The following NOL3 variants were observed in gnomAD, a reference collection of about 807,000 sequenced individuals.
The protein encoded by NOL3 is nucleolar protein 3.
Under a neutral mutation model 19.2 loss-of-function variants are expected in NOL3, and 18 were observed. That is an observed-to-expected ratio of 0.94 (90% CI 0.65 to 1.39). NOL3 has a LOEUF of 1.39. Ranked by LOEUF, NOL3 falls within the 40% of genes most tolerant of loss-of-function variation. NOL3 has a pLI of 0.00. For synonymous variants in NOL3, 127 were observed against 137.3 expected (o/e 0.93, Z 0.52); for missense variants, 290 against 289.5 (o/e 1.00, Z -0.01).
At chr16:67,172,273 G>C (rs1007916646) in intron 1 of NOL3, among the ~76,000 whole-genome samples, 6 of 152,114 alleles carry the variant, frequency 3.9e-5, no homozygotes, top group South Asian at 4.2e-4. Flanking sequence ...TTGCTGGCTG[G>C]GTCAGGCCAC....
intron 1 of NOL3, among the ~76,000 whole-genome samples, chr16:67,173,548 T>C (rs532049532): frequency 6.6e-6 from 1 of 152,060 alleles, no homozygotes; most frequent in South Asian, 2.1e-4. Context: ...GTGCTCTGGG[T>C]TCAGAGGGGA....
At chr16:67,175,393 C>G (rs936782281) in exon 4 of NOL3, 1 of 1,188,152 alleles carries the variant, frequency 8.4e-7, no homozygotes, top group Non-Finnish European at 1.1e-6. Context: ...CCCTCCTGCC[C>G]GCATACACAA....
chr16:67,174,386 T>G, exon 2 of NOL3: 1 of 1,558,558 alleles, frequency 6.4e-7, no homozygotes. Flanking sequence ...CGAGGCCGCC[T>G]GCCAGGAGCT....
chr16:67,174,864 AAGC>A (rs1268761594), exon 3 of NOL3: 1 of 1,610,696 alleles, frequency 6.2e-7, no homozygotes, highest in Non-Finnish European at 8.5e-7. Flanking sequence ...CCCGAGGCTG[AAGC>A]AGAACCAGAG....
Position 67,170,616 on chromosome 16 carries a change from C to T in NOL3, c.-9+42C>T, listed in dbSNP as rs2031676217. ...AAAACGGGCCAGACCGGGAGCCCCA[C>T]TCCCGGCTGTGGGAGGGAAGGGAAA... On this transcript the variant is annotated intron_variant, in intron 1 of 3. Coordinates refer to ENST00000268605, the Ensembl canonical transcript of NOL3. This position sits in a 1 kb window ranked among gnomAD's most constrained non-coding sequence, Gnocchi z 5.7. The T allele has an allele frequency of 1.3e-5, 2 of 152,192 alleles. No individual in the cohort carries two copies. Among genetic ancestry groups the T allele is most frequent in the African/African-American group, 4.8e-5 (2 of 41,414 alleles). 9.4% of individuals were successfully genotyped at this position (152,192 alleles called of 1,614,324 possible). A position where few individuals can be genotyped will look rare whatever the true frequency, so the allele number is the denominator to read the frequency against.
Position 67,175,434 on chromosome 16 carries a change from A to G in NOL3, c.*380A>G, listed in dbSNP as rs1046691838. ...TTCCCCTGGTGAGCCACTTGGCAGC[A>G]TATGTAGGTACCAGCTCAACCCCAC... On this transcript the variant is annotated 3_prime_UTR_variant, in exon 4 of 4. Transcript: ENST00000268605. 3 of 885,772 alleles carry G rather than the reference A, an allele frequency of 3.4e-6. No homozygotes were observed. The African/African-American group carries it at 5.3e-5, about 16-fold the overall frequency. 54.9% of individuals were successfully genotyped at this position (885,772 alleles called of 1,614,324 possible).
At chr16:67,174,104 C>T in intron 1 of NOL3, 58 bp from the exon 2 acceptor site, 1 of 1,598,124 alleles carries the variant, frequency 6.3e-7, no homozygotes, top group South Asian at 1.1e-5. Flanking sequence ...TGGTCAGAGG[C>T]GGCGAGGGCA....
intron 1 of NOL3, 169 bp from the exon 2 acceptor site, chr16:67,173,993 C>T (rs1436648818): frequency 1.3e-6 from 2 of 1,540,054 alleles, no homozygotes; most frequent in Admixed American, 2.0e-5. Context: ...CCGAGTTCCC[C>T]GTGTTGGCCT....
chr16:67,175,084 C>T (rs748976858), exon 4 of NOL3: 1 of 1,614,242 alleles, frequency 6.2e-7, no homozygotes, highest in Admixed American at 1.7e-5. Flanking sequence ...CGGTGCCCCG[C>T]CCATGCTGGA....
Position 67,174,733 on chromosome 16 carries a change from C to G in NOL3, c.408C>G (p.Ala136=), listed in dbSNP as rs2233459. ...CCAGAGCTTCAGACCCTGACGAGGC[C>G]GGGGGCCCTGAGGGCTCCGAGGCGG... The change falls in exon 3 of 4, where the codon GCC becomes GCG. Residue 136 remains alanine, a synonymous_variant. Transcript: ENST00000268605. 195 of 1,610,578 alleles carry G rather than the reference C, an allele frequency of 1.2e-4. 2 individuals are homozygous for G. In the East Asian group the frequency reaches 4.2e-3, roughly 35 times the overall value.
chr16:67,171,759 C>T (rs1485533455), intron 1 of NOL3: 1 of 152,246 alleles, frequency 6.6e-6, no homozygotes, highest in African/African-American at 2.4e-5. Flanking sequence ...TTGTCAAAGT[C>T]ACTGTGCTAT....
intron 1 of NOL3, among the ~76,000 whole-genome samples, chr16:67,172,525 C>T (rs886764338): frequency 2.0e-5 from 3 of 150,512 alleles, no homozygotes; most frequent in African/African-American, 4.9e-5. Flanking sequence ...GCAGAAGAAT[C>T]GCTTGAACTC....
chr16:67,173,730 A>T, intron 1 of NOL3: 1 of 724,104 alleles, frequency 1.4e-6, no homozygotes, highest in Non-Finnish European at 2.2e-6. Context: ...CATCAATCCT[A>T]GGTTTTTCTG....
intron 1 of NOL3, 180 bp from the exon 2 acceptor site, chr16:67,173,982 A>G (rs1597253164): frequency 1.3e-6 from 2 of 1,538,340 alleles, no homozygotes; most frequent in Non-Finnish European, 1.7e-6. Context: ...GCAGGAGGAC[A>G]CCGAGTTCCC....
chr16:67,174,271 G>C (rs1268875518), exon 2 of NOL3: 1 of 1,612,088 alleles, frequency 6.2e-7, no homozygotes, highest in Admixed American at 1.7e-5. Flanking sequence ...TGGACGCGCT[G>C]CTGGCGCGGG....
At chr16:67,174,529 G>A in intron 2 of NOL3, 65 bp downstream of exon 2, 9 of 1,472,820 alleles carry the variant, frequency 6.1e-6, no homozygotes, top group Non-Finnish European at 8.0e-6. Flanking sequence ...AAAGGCCCGG[G>A]GAGGGCAGGG....
rs1476811978 is a variant in NOL3 at position 67,174,926 on chromosome 16, G to T, written c.601G>T (p.Glu201Ter). 8.1e-6 allele frequency: 13 copies of T among 1,612,666 alleles called. No individual in the cohort carries two copies. Among genetic ancestry groups the T allele is most frequent in the Non-Finnish European group, 1.1e-5 (13 of 1,179,080 alleles). Residue 201 changes from glutamate (E) to a stop codon, truncating the protein, a stop_gained, in exon 3 of 4, where the codon GAA becomes TAA. Transcript: ENST00000268605. LOFTEE classifies it high-confidence loss of function. ...CCCAGAGCCCGAGCCCGACTTCGAG[G>T]AAAGGGACGAGTCCGAAGGTGTGAG... is the stretch of plus-strand genomic sequence containing the variant.
Position 67,174,152 on chromosome 16 carries a change from C to T in NOL3, c.-8-10C>T, listed in dbSNP as rs574597955. The T allele has an allele frequency of 4.1e-5, 66 of 1,604,836 alleles. No individual in the cohort carries two copies. Among genetic ancestry groups the T allele is most frequent in the Non-Finnish European group, 5.2e-5 (61 of 1,174,762 alleles). Reference sequence around the variant, plus strand: ...ACCCCCCATTACTTCTCTCCCCTTTCCCCATGCAGCCCCGACAATGGGCAA... The same window carrying T: ...ACCCCCCATTACTTCTCTCCCCTTTTCCCATGCAGCCCCGACAATGGGCAA... On this transcript the variant is annotated splice_polypyrimidine_tract_variant and intron_variant, in intron 1 of 3. Transcript: ENST00000268605.
Position 67,172,608 on chromosome 16 carries a change from C to CAAA in NOL3, c.-8-1538_-8-1536dup, listed in dbSNP as rs5817617. ...CCTGGGCAACAGAGTGAGACTCTGTCAAAAAAAAAAAAAAAAAATGGATAA... is the reference window on the plus strand; with the variant it reads ...CCTGGGCAACAGAGTGAGACTCTGTCAAAAAAAAAAAAAAAAAAAAATGGATAA... On this transcript the variant is annotated intron_variant, in intron 1 of 3. Transcript: ENST00000268605. Among the ~76,000 whole-genome samples the CAAA allele has an allele frequency of 1.4e-3, 173 of 120,174 alleles. 2 individuals carry two copies. The highest frequency in any genetic ancestry group is 4.9e-3 in the African/African-American group (157 of 31,760). The allele number at this position is 120,174 out of a possible 152,430, so 78.8% of individuals were successfully genotyped here.
Sources: gnomAD v4.1 joint callset for allele counts (sites outside exome capture counted in the v4.1 genomes callset) on GRCh38, gnomAD v4.1.1 for gene constraint, Gnocchi (gnomAD v3.1) non-coding constraint, MANE v1.5 for transcripts, NCBI Gene and HGNC (gene_info 2026-07-23, HGNC 2026-07-21) for gene names.